Variants in EIF3E observed in about 807,000 individuals in gnomAD.
The protein encoded by EIF3E is eIF-3 p48.
Under a neutral mutation model 59.3 loss-of-function variants are expected in EIF3E, and 25 were observed. That is an observed-to-expected ratio of 0.42 (90% confidence interval 0.31 to 0.59). EIF3E has a LOEUF of 0.59. EIF3E is among the 20% of genes least tolerant of loss of function. The pLI is 0.15. For synonymous variants in EIF3E, 176 were observed against 170.2 expected, an observed-to-expected ratio of 1.03 and a Z score of -0.26; for missense variants, 317 against 534.3, an observed-to-expected ratio of 0.59 and a Z score of 4.01.
At chr8:108,243,468 AAATAC>A (rs1815881515) in intron 1 of EIF3E, 1 of 151,788 alleles carries the variant, frequency 6.6e-6, no homozygotes, top group African/African-American at 2.4e-5. Flanking sequence ...TCTCTACTAA[AAATAC>A]AAAAAATTAG....
At position 108,214,589 on chromosome 8, in the gene EIF3E, A is replaced by T. The variant is rs1815268466; in HGVS notation, c.1061+18T>A. On this transcript the variant is annotated intron_variant, in intron 10 of 12. Transcript: ENST00000220849. Reference sequence around the variant, plus strand: ...AATTTTAAAGTAGAAAATCCAAATCAAATCACGGTGTTCTTACTTAATGCT... The same window carrying T: ...AATTTTAAAGTAGAAAATCCAAATCTAATCACGGTGTTCTTACTTAATGCT... 6.5e-7 allele frequency: 1 copy of T among 1,539,222 alleles called. No individual in the cohort carries two copies. Among genetic ancestry groups the T allele is most frequent in the Admixed American group, 2.1e-5 (1 of 46,946 alleles).
Position 108,216,417 on chromosome 8 carries a change from C to A in EIF3E, c.946G>T (p.Glu316Ter). Residue 316 changes from glutamate (E) to a stop codon, truncating the protein, a stop_gained, in exon 9 of 13, where the codon GAA becomes TAA. Coordinates refer to ENST00000220849, the MANE Select transcript of EIF3E (RefSeq NM_001568.3). LOFTEE classifies it high-confidence loss of function. ...AAATAAAAATTCACACTTACTGATT[C>A]ACATTCCCTCAGCTTTTTCTGAGCC... ...DGAQKKLRECESVLVNDFFLV... is the reference protein window; with the variant it reads ...DGAQKKLREC 1 of 1,602,698 alleles carries A rather than the reference C, an allele frequency of 6.2e-7. No individual in the cohort carries two copies. The highest frequency in any genetic ancestry group is 8.5e-7 in the Non-Finnish European group (1 of 1,176,162).
intron 3 of EIF3E, among the ~76,000 whole-genome samples, chr8:108,239,749 T>C (rs909564642): frequency 6.6e-6 from 1 of 151,946 alleles, no homozygotes; most frequent in Non-Finnish European, 1.5e-5. Context: ...ACTAAAGAAG[T>C]TTTTTTTAGG....
intron 10 of EIF3E, among the ~76,000 whole-genome samples, chr8:108,209,450 C>T (rs1316619680): frequency 2.6e-5 from 4 of 152,044 alleles, no homozygotes; most frequent in African/African-American, 9.7e-5. Flanking sequence ...TAATGTGTAA[C>T]TTCAAATATG....
chr8:108,235,584 G>A (rs892141877), intron 4 of EIF3E, among the ~76,000 whole-genome samples: 1 of 152,170 alleles, frequency 6.6e-6, no homozygotes, highest in Non-Finnish European at 1.5e-5. Context: ...GGGAGTTGGG[G>A]ACTCCTTAAA....
At chr8:108,225,775 C>T (rs1815504956) in intron 7 of EIF3E, among the ~76,000 whole-genome samples, 1 of 151,472 alleles carries the variant, frequency 6.6e-6, no homozygotes, top group Non-Finnish European at 1.5e-5. Flanking sequence ...CACATCACAA[C>T]AGACTGCAAG....
intron 10 of EIF3E, among the ~76,000 whole-genome samples, chr8:108,213,496 G>A (rs688746): frequency 0.52 from 79,753 of 151,926 alleles, 21,325 homozygotes; most frequent in African/African-American, 0.66. Flanking sequence ...GGACCAAAAA[G>A]CACCCAAATG....
At position 108,201,927 on chromosome 8, in the gene EIF3E, A is replaced by C. The variant is rs1815002497; in HGVS notation, c.1300-4T>G. On this transcript the variant is annotated splice_region_variant and splice_polypyrimidine_tract_variant and intron_variant, in intron 12 of 12. Coordinates refer to ENST00000220849, the MANE Select transcript of EIF3E (RefSeq NM_001568.3). ...CTTGAGTTGCCCAGTTAGGAGCCTAAAATATGCAAAAAGAAATCAACACCG... is the reference window on the plus strand; with the variant it reads ...CTTGAGTTGCCCAGTTAGGAGCCTACAATATGCAAAAAGAAATCAACACCG... 1 of 1,577,588 alleles carries C rather than the reference A, an allele frequency of 6.3e-7. No homozygotes were observed. Among genetic ancestry groups the C allele is most frequent in the African/African-American group, 1.4e-5 (1 of 73,524 alleles).
intron 1 of EIF3E, among the ~76,000 whole-genome samples, chr8:108,246,172 A>G (rs1201850708): frequency 1.3e-5 from 2 of 151,834 alleles, no homozygotes; most frequent in African/African-American, 2.4e-5. Context: ...CCTACTACCC[A>G]GAAGGGCGAA....
chr8:108,232,200 T>C (rs374227986), intron 5 of EIF3E, among the ~76,000 whole-genome samples: 1 of 152,164 alleles, frequency 6.6e-6, no homozygotes, highest in African/African-American at 2.4e-5. Flanking sequence ...AAAAGATATC[T>C]ATTCTTTTAA....
At chr8:108,212,504 T>C (rs73304588) in intron 10 of EIF3E, among the ~76,000 whole-genome samples, 4,692 of 152,256 alleles carry the variant, frequency 0.031, 220 homozygotes, top group African/African-American at 0.099. Flanking sequence ...AATTCTACCA[T>C]AGTACTTGAA....
Position 108,228,372 on chromosome 8 carries a change from T to C in EIF3E, c.617A>G (p.Gln206Arg). ...GAGCCATGTTCTCTGCTGAAGAGAC[T>C]GAAGTGGAGAACTCACAGACTAAAG... Reference protein sequence around the residue: ...IDNNSVSSPLQSLQQRTWLIH... With the variant: ...IDNNSVSSPLRSLQQRTWLIH... Residue 206 changes from glutamine (Q) to arginine (R), a missense_variant, in exon 7 of 13, where the codon CAG becomes CGG. By Grantham distance (43) the Gln-to-Arg change is conservative. Coordinates refer to ENST00000220849, the MANE Select transcript of EIF3E (RefSeq NM_001568.3). 1 of 1,561,314 alleles carries C rather than the reference T, an allele frequency of 6.4e-7. No individual in the cohort carries two copies. Among genetic ancestry groups the C allele is most frequent in the Non-Finnish European group, 8.7e-7 (1 of 1,155,192 alleles).
intron 1 of EIF3E, among the ~76,000 whole-genome samples, chr8:108,247,620 T>C (rs1296567217): frequency 3.3e-5 from 5 of 152,190 alleles, no homozygotes; most frequent in African/African-American, 1.2e-4. Context: ...TTTTGGGACG[T>C]TTTTGTTTTA....
chr8:108,237,806 C>A (rs1045113200), intron 3 of EIF3E, among the ~76,000 whole-genome samples: 5 of 152,144 alleles, frequency 3.3e-5, no homozygotes, highest in African/African-American at 1.2e-4. Flanking sequence ...ATACCACTCA[C>A]GTATATAATC....
intron 1 of EIF3E, among the ~76,000 whole-genome samples, chr8:108,245,024 G>A (rs766453302): frequency 6.6e-6 from 1 of 151,800 alleles, no homozygotes; most frequent in Non-Finnish European, 1.5e-5. Flanking sequence ...TCCAATCTCA[G>A]TTGGGCCCTC....
chr8:108,210,753 C>T (rs965812632), intron 10 of EIF3E, among the ~76,000 whole-genome samples: 11 of 152,134 alleles, frequency 7.2e-5, no homozygotes, highest in African/African-American at 2.4e-4. Context: ...CCACTCCCCC[C>T]ACCCCACGAC....
intron 10 of EIF3E, among the ~76,000 whole-genome samples, chr8:108,213,502 A>C (rs1218112844): frequency 6.6e-6 from 1 of 152,220 alleles, no homozygotes; most frequent in Non-Finnish European, 1.5e-5. Context: ...AAAAGCACCC[A>C]AATGACCACA....
chr8:108,209,301 T>G (rs1815163065), intron 10 of EIF3E, among the ~76,000 whole-genome samples: 1 of 152,080 alleles, frequency 6.6e-6, no homozygotes, highest in African/African-American at 2.4e-5. Flanking sequence ...TAGTTAGTAT[T>G]CAGTGGAAAA....
chr8:108,240,189 AC>A, intron 2 of EIF3E, 114 bp from the exon 3 acceptor site: 1 of 841,482 alleles, frequency 1.2e-6, no homozygotes, highest in Non-Finnish European at 2.1e-6. Context: ...ATATTTATTT[AC>A]CCCCAATATA....
Sources: gnomAD v4.1 joint callset for allele counts (sites outside exome capture counted in the v4.1 genomes callset) on GRCh38, gnomAD v4.1.1 for gene constraint, MANE v1.5 for transcripts, NCBI Gene and HGNC (gene_info 2026-07-23, HGNC 2026-07-21) for gene names.